INPP5A: variants seen among roughly 807,000 people sequenced by gnomAD.
INPP5A encodes 43 kDa inositol polyphosphate 5-phophatase.
In INPP5A, 14 loss-of-function variants were observed where a neutral mutation model predicts 65.2. The ratio of observed to expected loss-of-function variants is 0.21; its 90% CI spans 0.14 to 0.34. The LOEUF is 0.34. Among genes scored for constraint, INPP5A ranks in the 10% least tolerant of loss-of-function variants. The probability of loss-of-function intolerance (pLI) is 1.00; values close to 1 mark genes in which losing one functional copy is unlikely to be tolerated. For missense variants in INPP5A, 431 were observed against 545.6 expected (o/e 0.79, Z 2.09); for synonymous variants, 207 against 208.3 (o/e 0.99, Z 0.05).
intron 12 of INPP5A, among the ~76,000 whole-genome samples, chr10:132,768,620 C>T (rs1229737759): frequency 1.3e-5 from 2 of 152,226 alleles, no homozygotes; most frequent in African/African-American, 2.4e-5. Flanking sequence ...CCTGTGCTTT[C>T]CTGAAGGCTG....
Position 132,603,925 on chromosome 10 carries a change from C to T in INPP5A, c.76-3990C>T, listed in dbSNP as rs368253780. ...CCCTGCGCCGTCAGGGTCCCCTCTC[C>T]GTCCAGCCCTGCGCCGTCAAGGTCC... On this transcript the variant is annotated intron_variant, in intron 1 of 15. Coordinates refer to ENST00000368594, the MANE Select transcript of INPP5A (RefSeq NM_005539.5). The surrounding 1 kb of genome is among the most constrained non-coding windows in gnomAD (Gnocchi z 4.2). 2.6e-4 allele frequency among the ~76,000 whole-genome samples: 37 copies of T among 143,812 alleles called. No homozygotes were observed. The Middle Eastern group carries it at 0.015, about 58-fold the overall frequency. The allele number at this position is 143,812 out of a possible 152,430, so 94.3% of individuals were successfully genotyped here.
rs180681719 is a variant in INPP5A, at chr10:132,608,918, C to T, written c.117+962C>T. Among the ~76,000 whole-genome samples, 449 of 152,218 alleles carry T rather than the reference C, an allele frequency of 2.9e-3. 1 individual carries two copies. Among genetic ancestry groups the T allele is most frequent in the African/African-American group, 0.01 (433 of 41,544 alleles). ...CCCGACCTGGGCCTGAGGTGCTGGG[C>T]CAGAGGTGGAGCTGGGACAGCCAGG... On this transcript the variant is annotated intron_variant, in intron 2 of 15. Coordinates refer to ENST00000368594, the MANE Select transcript of INPP5A (RefSeq NM_005539.5).
chr10:132,769,470 C>T (rs1846911676), intron 12 of INPP5A, among the ~76,000 whole-genome samples: 1 of 152,196 alleles, frequency 6.6e-6, no homozygotes, highest in African/African-American at 2.4e-5. Flanking sequence ...GCCAGGACAG[C>T]ACCCAGGATA....
rs1249040299 is a variant in INPP5A, at chr10:132,675,247, G to A, written c.307-15145G>A. 1.3e-5 allele frequency among the ~76,000 whole-genome samples: 2 copies of A among 152,218 alleles called. No individual in the cohort carries two copies. Among genetic ancestry groups the A allele is most frequent in the East Asian group, 1.9e-4 (1 of 5,196 alleles). The stretch of plus-strand genomic sequence containing the variant: ...TGCAGAAATGGTAACCGCAGGGGAC[G>A]GTGCAGCCGCATCTTCCGTGTCCTT... On this transcript the variant is annotated intron_variant, in intron 4 of 15. Coordinates refer to ENST00000368594, the MANE Select transcript of INPP5A (RefSeq NM_005539.5). The surrounding 1 kb of genome is among the most constrained non-coding windows in gnomAD (Gnocchi z 4.2).
At chr10:132,657,874 G>A (rs192888319) in intron 4 of INPP5A, among the ~76,000 whole-genome samples, 26 of 152,358 alleles carry the variant, frequency 1.7e-4, no homozygotes, top group Middle Eastern at 3.4e-3. Flanking sequence ...GAGAGGGGGC[G>A]AGATTGGTTT....
At chr10:132,778,302 ATTTTTTTTTT>A (rs57172206) in intron 13 of INPP5A, among the ~76,000 whole-genome samples, 6 of 72,956 alleles carry the variant, frequency 8.2e-5, no homozygotes, top group Admixed American at 1.6e-4. Context: ...TTTAATAATA[ATTTTTTTTTT>A]TTTTTTTTTT....
chr10:132,781,702 A>G (rs1847164498), intron 14 of INPP5A, among the ~76,000 whole-genome samples, 159 bp from the exon 15 acceptor site: 1 of 152,190 alleles, frequency 6.6e-6, no homozygotes, highest in South Asian at 2.1e-4. Context: ...GTGGCTGTGC[A>G]CAAGGGCCGA....
intron 4 of INPP5A, among the ~76,000 whole-genome samples, chr10:132,654,152 G>A (rs2072618756): frequency 6.6e-6 from 1 of 152,238 alleles, no homozygotes; most frequent in South Asian, 2.1e-4. Flanking sequence ...TTGGGAGTGA[G>A]AGTGGGTCTC....
chr10:132,764,030 T>C (rs761838795), intron 11 of INPP5A, among the ~76,000 whole-genome samples: 1 of 152,258 alleles, frequency 6.6e-6, no homozygotes, highest in Non-Finnish European at 1.5e-5. Flanking sequence ...TCCCAGAGGC[T>C]GTGGGTGCTG....
intron 1 of INPP5A, among the ~76,000 whole-genome samples, chr10:132,578,643 G>A (rs112462357): frequency 0.013 from 1,926 of 150,626 alleles, 26 homozygotes; most frequent in South Asian, 0.032. Flanking sequence ...GAGAGTGTGC[G>A]GGGGCTGGGT....
intron 2 of INPP5A, among the ~76,000 whole-genome samples, chr10:132,626,362 A>G (rs945993841): frequency 2.6e-5 from 4 of 152,208 alleles, no homozygotes; most frequent in African/African-American, 7.2e-5. Context: ...TCCATTCCTC[A>G]GGGAGACTGT....
intron 11 of INPP5A, among the ~76,000 whole-genome samples, chr10:132,750,103 C>A (rs1487534945): frequency 1.3e-5 from 2 of 152,198 alleles, no homozygotes; most frequent in Admixed American, 6.5e-5. Context: ...CTTCAGAGAT[C>A]CCCCCGTGTG....
intron 11 of INPP5A, among the ~76,000 whole-genome samples, chr10:132,754,480 G>A (rs1297064980): frequency 1.3e-5 from 2 of 152,094 alleles, no homozygotes; most frequent in Non-Finnish European, 2.9e-5. Flanking sequence ...GCACCTATGG[G>A]CCTGGGGCAT....
chr10:132,545,559 G>A lies in INPP5A; in HGVS notation c.75+7388G>A, dbSNP rs1251274727. On this transcript the variant is annotated intron_variant, in intron 1 of 15. Coordinates refer to ENST00000368594, the MANE Select transcript of INPP5A (RefSeq NM_005539.5). This position sits in a 1 kb window ranked among gnomAD's most constrained non-coding sequence, Gnocchi z 4.6. The stretch of plus-strand genomic sequence containing the variant: ...CGCTGTCTCCTGGGCGGGTCCTTCT[G>A]ATGTGAGTGCACTCCAGTGAAATAC... Among the ~76,000 whole-genome samples, 2 of 152,214 alleles carry A rather than the reference G, an allele frequency of 1.3e-5. No homozygotes were observed. The highest frequency in any genetic ancestry group is 2.9e-5 in the Non-Finnish European group (2 of 68,034).
intron 1 of INPP5A, among the ~76,000 whole-genome samples, chr10:132,557,381 C>T (rs2071140848): frequency 6.6e-6 from 1 of 152,256 alleles, no homozygotes; most frequent in African/African-American, 2.4e-5. Context: ...CTGGCCTGTG[C>T]CACACCTGCG....
intron 1 of INPP5A, among the ~76,000 whole-genome samples, chr10:132,572,452 C>T (rs1009249101): frequency 6.6e-6 from 1 of 152,140 alleles, no homozygotes; most frequent in African/African-American, 2.4e-5. Flanking sequence ...TAGGGCTGTG[C>T]TGGTGCTGTC....
intron 9 of INPP5A, among the ~76,000 whole-genome samples, chr10:132,728,874 C>T (rs536826199): frequency 6.6e-6 from 1 of 152,316 alleles, no homozygotes; most frequent in African/African-American, 2.4e-5. Flanking sequence ...GGTGGCCGGG[C>T]CGTGTGACCA....
chr10:132,655,335 G>A (rs901051412), intron 4 of INPP5A, among the ~76,000 whole-genome samples: 2 of 147,692 alleles, frequency 1.4e-5, no homozygotes, highest in African/African-American at 2.5e-5. Context: ...TCGGTACCAC[G>A]TTGGTACCCA....
At chr10:132,634,460 G>A (rs2072315803) in intron 2 of INPP5A, among the ~76,000 whole-genome samples, 1 of 152,272 alleles carries the variant, frequency 6.6e-6, no homozygotes, top group Admixed American at 6.5e-5. Context: ...CCACGGAGAG[G>A]AGTATGCATT....
Sources: gnomAD v4.1 joint callset for allele counts (sites outside exome capture counted in the v4.1 genomes callset) on GRCh38, gnomAD v4.1.1 for gene constraint, Gnocchi (gnomAD v3.1) non-coding constraint, MANE v1.5 for transcripts, NCBI Gene and HGNC (gene_info 2026-07-23, HGNC 2026-07-21) for gene names.